The following RNGTT variants were observed in gnomAD, a reference collection of about 807,000 sequenced individuals.
The protein encoded by RNGTT is mRNA-capping enzyme.
In RNGTT, 33 loss-of-function variants were observed where a neutral mutation model predicts 79.3. The ratio of observed to expected loss-of-function variants is 0.42; its 90% CI spans 0.32 to 0.56. RNGTT has a LOEUF of 0.56. Ranked by LOEUF, RNGTT falls within the 20% of genes least tolerant of loss-of-function variation. The probability of loss-of-function intolerance (pLI) is 0.17; values close to 1 mark genes in which losing one functional copy is unlikely to be tolerated. For synonymous variants in RNGTT, 222 were observed against 235.9 expected, an observed-to-expected ratio of 0.94 and a Z score of 0.54; for missense variants, 497 against 739.1, an observed-to-expected ratio of 0.67 and a Z score of 3.80.
chr6:88,722,516 A>T (rs1335181560), intron 13 of RNGTT, among the ~76,000 whole-genome samples: 1 of 152,208 alleles, frequency 6.6e-6, no homozygotes, highest in African/African-American at 2.4e-5. Flanking sequence ...TCTTGAACAA[A>T]AGCTGCTGGA....
At chr6:88,666,046 T>C (rs1774394758) in intron 14 of RNGTT, among the ~76,000 whole-genome samples, 1 of 152,162 alleles carries the variant, frequency 6.6e-6, no homozygotes, top group South Asian at 2.1e-4. Flanking sequence ...GAGAGAATTA[T>C]TAGGAGCTGT....
chr6:88,944,492 G>T (rs144473152), intron 1 of RNGTT, among the ~76,000 whole-genome samples: 1 of 151,872 alleles, frequency 6.6e-6, no homozygotes. Flanking sequence ...CCTTCTGCTC[G>T]GGATTTCCTT....
chr6:88,890,624 G>A (rs369888974), intron 7 of RNGTT, 28 bp from the exon 8 acceptor site: 31 of 1,506,502 alleles, frequency 2.1e-5, no homozygotes, highest in African/African-American at 6.9e-5. Context: ...TATTACTATC[G>A]TGGCTGGTAT....
chr6:88,735,341 A>G (rs1236511567), intron 13 of RNGTT, among the ~76,000 whole-genome samples: 1 of 152,148 alleles, frequency 6.6e-6, no homozygotes, highest in African/African-American at 2.4e-5. Context: ...TTCAGCTGAC[A>G]TTTATAGAAT....
intron 12 of RNGTT, among the ~76,000 whole-genome samples, chr6:88,777,691 T>C (rs1255146363): frequency 6.6e-6 from 1 of 152,198 alleles, no homozygotes; most frequent in East Asian, 1.9e-4. Flanking sequence ...TAACAGGTTT[T>C]TTTGATGTAA....
At chr6:88,871,518 T>C (rs1473694617) in intron 8 of RNGTT, among the ~76,000 whole-genome samples, 1 of 152,134 alleles carries the variant, frequency 6.6e-6, no homozygotes. Context: ...CAGAAGTGGA[T>C]TGTATGTCAC....
intron 11 of RNGTT, among the ~76,000 whole-genome samples, chr6:88,824,573 A>T (rs1780594237): frequency 6.6e-6 from 1 of 152,162 alleles, no homozygotes; most frequent in Non-Finnish European, 1.5e-5. Flanking sequence ...GCCACAATTC[A>T]AGCACTACTC....
At position 88,667,888 on chromosome 6, in the gene RNGTT, A is replaced by G. The variant is rs147767517; in HGVS notation, c.1506+10465T>C. Among the ~76,000 whole-genome samples the G allele has an allele frequency of 3.7e-4, 57 of 152,310 alleles. 1 individual carries two copies. The East Asian group carries it at 0.011, about 29-fold the overall frequency. Reference sequence around the variant, plus strand: ...AGGGAAAGTGTGTCAAGAAATGGGTACAGGCTCTCCCCACAGTATTGTTTA... The same window carrying G: ...AGGGAAAGTGTGTCAAGAAATGGGTGCAGGCTCTCCCCACAGTATTGTTTA... On this transcript the variant is annotated intron_variant, in intron 14 of 15. Coordinates refer to ENST00000369485, the MANE Select transcript of RNGTT (RefSeq NM_003800.5).
intron 1 of RNGTT, among the ~76,000 whole-genome samples, chr6:88,957,011 T>A (rs1785455468): frequency 6.6e-6 from 1 of 152,106 alleles, no homozygotes; most frequent in Non-Finnish European, 1.5e-5. Context: ...CCAGACTGGG[T>A]GACAGAGCAA....
Position 88,801,551 on chromosome 6 carries a change from C to A in RNGTT, c.1338+13G>T, listed in dbSNP as rs756155626. 1.2e-6 allele frequency: 2 copies of A among 1,605,716 alleles called. No homozygotes were observed. The highest frequency in any genetic ancestry group is 1.7e-5 in the Admixed American group (1 of 59,804). On this transcript the variant is annotated intron_variant, in intron 12 of 15. Coordinates refer to ENST00000369485, the MANE Select transcript of RNGTT (RefSeq NM_003800.5). ...ACACAAACGAACACACACACACAGA[C>A]AAATGAACTTACTCCAGTAGGCTGA... is the stretch of plus-strand genomic sequence containing the variant.
chr6:88,701,252 C>T (rs559478304), intron 13 of RNGTT, among the ~76,000 whole-genome samples: 1 of 152,076 alleles, frequency 6.6e-6, no homozygotes, highest in South Asian at 2.1e-4. Flanking sequence ...TGTGGAAGGC[C>T]TAATTTTCCA....
chr6:88,939,442 G>A (rs999282955), intron 2 of RNGTT, among the ~76,000 whole-genome samples: 6 of 151,928 alleles, frequency 3.9e-5, no homozygotes, highest in Admixed American at 2.6e-4. Context: ...TTCATTTCCT[G>A]AATTTGTTTG....
chr6:88,864,263 A>T (rs771914274), intron 8 of RNGTT, among the ~76,000 whole-genome samples: 1 of 152,176 alleles, frequency 6.6e-6, no homozygotes, highest in Non-Finnish European at 1.5e-5. Context: ...ACAGGGAGCA[A>T]GTAGGAGTGT....
At chr6:88,721,044 C>T (rs1330211892) in intron 13 of RNGTT, among the ~76,000 whole-genome samples, 1 of 152,064 alleles carries the variant, frequency 6.6e-6, no homozygotes, top group Non-Finnish European at 1.5e-5. Context: ...TTGGAAGTTT[C>T]CATTCAATAT....
chr6:88,774,915 T>A (rs1299241207), intron 12 of RNGTT, among the ~76,000 whole-genome samples: 2 of 152,132 alleles, frequency 1.3e-5, no homozygotes, highest in Non-Finnish European at 2.9e-5. Context: ...TACAACACTG[T>A]CCATGTAATT....
intron 1 of RNGTT, among the ~76,000 whole-genome samples, chr6:88,944,600 T>C (rs6923633): frequency 0.063 from 9,620 of 151,820 alleles, 568 homozygotes; most frequent in African/African-American, 0.15. Context: ...CTGGCTCATT[T>C]CCATCAGCAT....
chr6:88,819,215 A>G (rs189075180), intron 11 of RNGTT, among the ~76,000 whole-genome samples: 2 of 152,194 alleles, frequency 1.3e-5, no homozygotes, highest in African/African-American at 4.8e-5. Flanking sequence ...ATAAAAGATA[A>G]AGTCATTTTT....
intron 8 of RNGTT, among the ~76,000 whole-genome samples, chr6:88,883,432 A>G (rs1782755105): frequency 6.6e-6 from 1 of 152,202 alleles, no homozygotes; most frequent in Non-Finnish European, 1.5e-5. Context: ...TACATTTAAA[A>G]TAAGCCTTCT....
chr6:88,820,853 A>C (rs150258301), intron 11 of RNGTT, among the ~76,000 whole-genome samples: 19 of 152,242 alleles, frequency 1.2e-4, no homozygotes, highest in African/African-American at 4.1e-4. Flanking sequence ...AGATAGGAAG[A>C]CTCAATATTG....
Sources: gnomAD v4.1 joint callset for allele counts (sites outside exome capture counted in the v4.1 genomes callset) on GRCh38, gnomAD v4.1.1 for gene constraint, MANE v1.5 for transcripts, NCBI Gene and HGNC (gene_info 2026-07-23, HGNC 2026-07-21) for gene names.